Variants in UBE2R2 observed in about 807,000 individuals in gnomAD.
The protein encoded by UBE2R2 is ubiquitin-conjugating enzyme E2 R2.
In UBE2R2, 1 loss-of-function variant was observed where a neutral mutation model predicts 27.8. The ratio of observed to expected loss-of-function variants is 0.04; its 90% CI spans 0.01 to 0.17. The LOEUF is 0.17. UBE2R2 is among the 10% of genes least tolerant of loss of function. The pLI is 1.00. For synonymous variants in UBE2R2, 106 were observed against 113.3 expected (o/e 0.94, Z 0.41); for missense variants, 100 against 291.0 (o/e 0.34, Z 4.78).
At chr9:33,838,884 A>G (rs550209920) in intron 1 of UBE2R2, among the ~76,000 whole-genome samples, 30 of 152,066 alleles carry the variant, frequency 2.0e-4, no homozygotes, top group Non-Finnish European at 4.0e-4. Flanking sequence ...AGAGTTCGAG[A>G]CCAGCTGGCC....
intron 1 of UBE2R2, among the ~76,000 whole-genome samples, chr9:33,819,367 A>G (rs216366): frequency 0.061 from 9,295 of 152,256 alleles, 651 homozygotes; most frequent in African/African-American, 0.17. Flanking sequence ...TCACTACTGT[A>G]TATAGTCACT....
At chr9:33,883,768 C>G (rs1007709259) in intron 1 of UBE2R2, among the ~76,000 whole-genome samples, 2 of 149,740 alleles carry the variant, frequency 1.3e-5, no homozygotes, top group African/African-American at 4.9e-5. Flanking sequence ...ATTGACCTAT[C>G]TTCAAATTCA....
rs577310773 is a variant in UBE2R2 at position 33,913,858 on chromosome 9, G to A, written c.497+1760G>A. Among the ~76,000 whole-genome samples, 109 of 152,264 alleles carry A rather than the reference G, an allele frequency of 7.2e-4. 2 individuals carry two copies. In the South Asian group the frequency reaches 0.021, roughly 29 times the overall value. ...ATGGGATTACAAGGACAGAGTTTGG[G>A]CATCTGTGTGTGTATATATATCTCA... On this transcript the variant is annotated intron_variant, in intron 4 of 4. Transcript: ENST00000263228.
chr9:33,817,740 G>T lies in UBE2R2; in HGVS notation c.-18G>T. ...ACTGGGGCCCGGGCCCGGCGCCGCC[G>T]CCGCCGCCGCCGCCGCGATGGCCCA... On this transcript the variant is annotated 5_prime_UTR_variant, in exon 1 of 5. Coordinates refer to ENST00000263228, the MANE Select transcript of UBE2R2 (RefSeq NM_017811.4). 2 of 1,488,738 alleles carry T rather than the reference G, an allele frequency of 1.3e-6. No individual in the cohort carries two copies. The highest frequency in any genetic ancestry group is 2.4e-5 in the South Asian group (2 of 81,790). The allele number at this position is 1,488,738 out of a possible 1,614,324, so 92.2% of individuals were successfully genotyped here.
chr9:33,844,673 G>A (rs980829096), intron 1 of UBE2R2, among the ~76,000 whole-genome samples: 5 of 152,138 alleles, frequency 3.3e-5, no homozygotes, highest in African/African-American at 1.2e-4. Flanking sequence ...CAGTCACTTC[G>A]AAGTCTGTAT....
chr9:33,822,531 A>G (rs1013933906), intron 1 of UBE2R2, among the ~76,000 whole-genome samples: 3 of 149,906 alleles, frequency 2.0e-5, no homozygotes, highest in Non-Finnish European at 3.0e-5. Flanking sequence ...GGCTCAAGGG[A>G]TCCTCTTGCC....
At chr9:33,907,051 T>A (rs549132149) in intron 3 of UBE2R2, among the ~76,000 whole-genome samples, 1 of 152,328 alleles carries the variant, frequency 6.6e-6, no homozygotes, top group East Asian at 1.9e-4. Context: ...TAAACACATA[T>A]GAGCTCTGCA....
At chr9:33,863,202 AAAG>A (rs1384649418) in intron 1 of UBE2R2, among the ~76,000 whole-genome samples, 62 of 151,248 alleles carry the variant, frequency 4.1e-4, no homozygotes, top group East Asian at 7.8e-4. Context: ...AAAAAAAAAA[AAAG>A]AAGAAGAAAA....
chr9:33,907,913 C>T (rs992166507), intron 3 of UBE2R2, among the ~76,000 whole-genome samples: 23 of 152,120 alleles, frequency 1.5e-4, no homozygotes, highest in African/African-American at 5.5e-4. Context: ...ATTGCAACCT[C>T]CACCTCCCGG....
At chr9:33,848,471 C>T (rs1328487978) in intron 1 of UBE2R2, among the ~76,000 whole-genome samples, 4 of 152,138 alleles carry the variant, frequency 2.6e-5, no homozygotes, top group Admixed American at 6.6e-5. Context: ...CTGTTCACCT[C>T]AAATCAGTCA....
Position 33,916,983 on chromosome 9 carries a change from T to TA in UBE2R2, c.498-34dup, listed in dbSNP as rs1321211619. On this transcript the variant is annotated intron_variant, in intron 4 of 4. Coordinates refer to ENST00000263228, the MANE Select transcript of UBE2R2 (RefSeq NM_017811.4). ...TATAAATCTGTCTTAAAAAAAGACTTACCGTAAACCATTTCTGTGTCAACC... is the reference window on the plus strand; with the variant it reads ...TATAAATCTGTCTTAAAAAAAGACTTAACCGTAAACCATTTCTGTGTCAACC... 4 of 1,608,088 alleles carry TA rather than the reference T, an allele frequency of 2.5e-6. No homozygotes were observed. In the African/African-American group the frequency reaches 4.0e-5, roughly 16 times the overall value.
chr9:33,913,006 G>A (rs1822528018), intron 4 of UBE2R2, among the ~76,000 whole-genome samples: 1 of 151,828 alleles, frequency 6.6e-6, no homozygotes, highest in African/African-American at 2.4e-5. Context: ...TGTCATCCAG[G>A]CCGGAGTGCA....
chr9:33,893,185 C>T (rs1822026485), intron 2 of UBE2R2, among the ~76,000 whole-genome samples: 1 of 152,158 alleles, frequency 6.6e-6, no homozygotes, highest in Non-Finnish European at 1.5e-5. Flanking sequence ...TCCATCACTC[C>T]AACTTAAAAT....
chr9:33,908,363 T>A (rs1822410362), intron 3 of UBE2R2, among the ~76,000 whole-genome samples: 1 of 152,168 alleles, frequency 6.6e-6, no homozygotes, highest in South Asian at 2.1e-4. Flanking sequence ...ATGGAATCCT[T>A]TCAGCACTTG....
At chr9:33,906,650 T>C (rs1289410734) in intron 3 of UBE2R2, among the ~76,000 whole-genome samples, 1 of 152,156 alleles carries the variant, frequency 6.6e-6, no homozygotes, top group Non-Finnish European at 1.5e-5. Context: ...GGTGACATAG[T>C]AGCTAACAGA....
At chr9:33,835,463 A>G (rs899802819) in intron 1 of UBE2R2, among the ~76,000 whole-genome samples, 2 of 152,114 alleles carry the variant, frequency 1.3e-5, no homozygotes, top group African/African-American at 2.4e-5. Context: ...TAGTTTTTAA[A>G]TGCCGTGTAG....
At chr9:33,907,225 A>C (rs1219822871) in intron 3 of UBE2R2, among the ~76,000 whole-genome samples, 1 of 152,226 alleles carries the variant, frequency 6.6e-6, no homozygotes, top group African/African-American at 2.4e-5. Flanking sequence ...AGCAGGCAAA[A>C]GGATCTGAAA....
intron 1 of UBE2R2, among the ~76,000 whole-genome samples, chr9:33,852,813 G>T (rs546225594): frequency 5.3e-5 from 8 of 152,294 alleles, no homozygotes; most frequent in African/African-American, 1.9e-4. Flanking sequence ...TTCAAGACCA[G>T]TCTGGCCAAT....
At chr9:33,865,913 C>T (rs981968988) in intron 1 of UBE2R2, among the ~76,000 whole-genome samples, 1 of 150,552 alleles carries the variant, frequency 6.6e-6, no homozygotes, top group Non-Finnish European at 1.5e-5. Context: ...CTCACTGTAA[C>T]TTCCACGTCC....
Sources: gnomAD v4.1 joint callset for allele counts (sites outside exome capture counted in the v4.1 genomes callset) on GRCh38, gnomAD v4.1.1 for gene constraint, MANE v1.5 for transcripts, NCBI Gene and HGNC (gene_info 2026-07-23, HGNC 2026-07-21) for gene names.